The following DGKI variants were observed in gnomAD, a reference collection of about 807,000 sequenced individuals.
The protein encoded by DGKI is diacylglycerol kinase iota, also known as DAG kinase iota.
In DGKI, 55 loss-of-function variants were observed where a neutral mutation model predicts 147.5. The ratio of observed to expected loss-of-function variants is 0.37; its 90% CI spans 0.30 to 0.47. The LOEUF is 0.47. DGKI is among the 20% of genes least tolerant of loss of function. The pLI, the probability that DGKI is intolerant of heterozygous loss-of-function variation, is 1.00. For missense variants in DGKI, 1,007 were observed against 1,323.8 expected (o/e 0.76, Z 3.71); for synonymous variants, 469 against 477.1 (o/e 0.98, Z 0.22).
intron 21 of DGKI, among the ~76,000 whole-genome samples, chr7:137,505,616 T>C (rs776938202): frequency 1.3e-5 from 2 of 151,924 alleles, no homozygotes; most frequent in Non-Finnish European, 2.9e-5. Flanking sequence ...GAGTGTAAAT[T>C]TGTGCACTTT....
chr7:137,636,134 A>G (rs1821304876), intron 6 of DGKI, among the ~76,000 whole-genome samples: 1 of 152,182 alleles, frequency 6.6e-6, no homozygotes, highest in Non-Finnish European at 1.5e-5. Flanking sequence ...ATCCGCTGGG[A>G]CAGGCTTTGT....
At chr7:137,623,614 G>T in intron 6 of DGKI, 60 bp from the exon 7 acceptor site, 1 of 1,473,742 alleles carries the variant, frequency 6.8e-7, no homozygotes, top group Non-Finnish European at 9.5e-7. Context: ...GCGCACATTT[G>T]CCCTCCTGAA....
intron 27 of DGKI, among the ~76,000 whole-genome samples, chr7:137,445,379 G>C (rs1217073113): frequency 6.6e-6 from 1 of 152,142 alleles, no homozygotes; most frequent in African/African-American, 2.4e-5. Flanking sequence ...AGATTTGGTG[G>C]AAAGAAAATT....
intron 11 of DGKI, among the ~76,000 whole-genome samples, chr7:137,599,440 CA>C (rs1209252998): frequency 6.6e-6 from 1 of 152,082 alleles, no homozygotes; most frequent in Non-Finnish European, 1.5e-5. Context: ...TATTCATAAA[CA>C]AACATGGCTC....
intron 27 of DGKI, among the ~76,000 whole-genome samples, chr7:137,451,291 G>C (rs1563026491): frequency 6.6e-6 from 1 of 152,106 alleles, no homozygotes; most frequent in Non-Finnish European, 1.5e-5. Context: ...TAATATCTTG[G>C]AATGAATCAT....
At position 137,663,090 on chromosome 7, in the gene DGKI, A is replaced by G. The variant is rs1042364809; in HGVS notation, c.607-6550T>C. Among the ~76,000 whole-genome samples the G allele has an allele frequency of 6.6e-5, 10 of 152,348 alleles. No homozygotes were observed. The East Asian group carries it at 1.9e-3, about 29-fold the overall frequency. On this transcript the variant is annotated intron_variant, in intron 3 of 32. Coordinates refer to ENST00000614521, the MANE Select transcript of DGKI (RefSeq NM_001321708.2). ...AGAGAAGATTCCATATGGCTGAAACAATCTGTTACTGCTGACTTTTCCAGA... is the reference window on the plus strand; with the variant it reads ...AGAGAAGATTCCATATGGCTGAAACGATCTGTTACTGCTGACTTTTCCAGA...
At chr7:137,643,553 C>T (rs774395775) in intron 6 of DGKI, among the ~76,000 whole-genome samples, 36 of 152,158 alleles carry the variant, frequency 2.4e-4, no homozygotes, top group Non-Finnish European at 4.4e-4. Context: ...GCATTATAAA[C>T]ACAAGAGATG....
chr7:137,814,857 AC>A lies in DGKI; in HGVS notation c.401+31604del, dbSNP rs1797694619. ...GTATATTTTAAAACAAAAAAATGGTACGCTGGTTTTAGGTCAAAAAGGCAGA... is the reference window on the plus strand; with the variant it reads ...GTATATTTTAAAACAAAAAAATGGTAGCTGGTTTTAGGTCAAAAAGGCAGA... On this transcript the variant is annotated intron_variant, in intron 1 of 32. Coordinates refer to ENST00000614521, the MANE Select transcript of DGKI (RefSeq NM_001321708.2). Among the ~76,000 whole-genome samples, 3 of 152,196 alleles carry A rather than the reference AC, an allele frequency of 2.0e-5. No homozygotes were observed. The South Asian group carries it at 6.2e-4, about 32-fold the overall frequency.
At chr7:137,691,803 T>TTTGTTTGTTTGTTTTTTG (rs1554458880) in intron 1 of DGKI, among the ~76,000 whole-genome samples, 2 of 120,574 alleles carry the variant, frequency 1.7e-5, no homozygotes, top group African/African-American at 1.1e-4. Flanking sequence ...TTTGGGTTTT[T>TTTGTTTGTTTGTTTTTTG]TTTTTTTTTT....
At chr7:137,493,886 G>A (rs538006910) in intron 21 of DGKI, 116 of 640,350 alleles carry the variant, frequency 1.8e-4, no homozygotes, top group African/African-American at 1.7e-3. Flanking sequence ...GAAGATCATC[G>A]AGATTCAGGA....
chr7:137,586,777 G>C (rs914528049), intron 13 of DGKI, among the ~76,000 whole-genome samples: 1 of 152,158 alleles, frequency 6.6e-6, no homozygotes, highest in African/African-American at 2.4e-5. Context: ...ATTAACTGAA[G>C]TCTGTATGAT....
In DGKI at chr7:137,654,779, T is replaced by C; in HGVS notation, c.691A>G (p.Arg231Gly). Residue 231 changes from arginine to glycine, a missense_variant, in exon 5 of 33, where the codon AGA becomes GGA. Physicochemically the swap from Arg to Gly is moderately radical, Grantham distance 125. Around this residue, in one of 5 missense-constraint regions of DGKI, gnomAD observed 259 missense variants for 362.5 expected, o/e 0.71. Transcript: ENST00000614521. ...CIEQLEKINF[R>G]CKPTFREGGS... is the part of the protein sequence containing the mutation. ...CCTTCTCGAAATGTTGGTTTACATC[T>C]GAAATTAATCTGTCATTCAAAAAGA... 1.2e-6 allele frequency: 2 copies of C among 1,604,186 alleles called. No homozygotes were observed. The highest frequency in any genetic ancestry group is 8.5e-7 in the Non-Finnish European group (1 of 1,171,810).
At chr7:137,780,839 T>C (rs972640155) in intron 1 of DGKI, among the ~76,000 whole-genome samples, 26 of 152,336 alleles carry the variant, frequency 1.7e-4, no homozygotes, top group African/African-American at 6.0e-4. Flanking sequence ...TTTGGAGGGA[T>C]TGTTCAAGGA....
At chr7:137,692,584 G>A (rs896398413) in intron 1 of DGKI, among the ~76,000 whole-genome samples, 8 of 152,236 alleles carry the variant, frequency 5.3e-5, no homozygotes, top group East Asian at 1.9e-4. Flanking sequence ...GCCAAAACCC[G>A]GTTACTCTTC....
intron 1 of DGKI, among the ~76,000 whole-genome samples, chr7:137,726,787 A>T (rs1430558654): frequency 6.6e-6 from 1 of 152,152 alleles, no homozygotes; most frequent in Non-Finnish European, 1.5e-5. Flanking sequence ...ATTACTATTG[A>T]TCTCTGCTAT....
At chr7:137,746,553 GTTGTTTGTTTGT>G (rs3839666) in intron 1 of DGKI, among the ~76,000 whole-genome samples, 3 of 152,002 alleles carry the variant, frequency 2.0e-5, no homozygotes, top group Non-Finnish European at 2.9e-5. Flanking sequence ...ATCCAGAGAT[GTTGTTTGTTTGT>G]TTGTTTGTTT....
intron 1 of DGKI, among the ~76,000 whole-genome samples, chr7:137,738,145 G>A (rs2116694956): frequency 6.6e-6 from 1 of 152,180 alleles, no homozygotes; most frequent in South Asian, 2.1e-4. Flanking sequence ...TTTTGTAGAT[G>A]CGGAATGAAA....
intron 28 of DGKI, among the ~76,000 whole-genome samples, chr7:137,425,129 C>T (rs905944168): frequency 1.3e-5 from 2 of 152,202 alleles, no homozygotes; most frequent in Non-Finnish European, 2.9e-5. Context: ...CCCTGAGCAG[C>T]CTAGCTGGGA....
intron 21 of DGKI, among the ~76,000 whole-genome samples, chr7:137,513,548 T>A (rs1448775497): frequency 6.6e-6 from 1 of 152,248 alleles, no homozygotes; most frequent in African/African-American, 2.4e-5. Context: ...TAGTCATATG[T>A]CATTTAATGA....
Sources: gnomAD v4.1 joint callset for allele counts (sites outside exome capture counted in the v4.1 genomes callset) on GRCh38, gnomAD v4.1.1 for gene constraint, gnomAD v4.1.1 regional missense constraint, MANE v1.5 for transcripts, NCBI Gene and HGNC (gene_info 2026-07-23, HGNC 2026-07-21) for gene names.